MTCL2: variants seen among roughly 807,000 people sequenced by gnomAD.
MTCL2 encodes the protein microtubule crosslinking factor 2.
At chr20:36,832,957 G>A in the MTCL2 span, among the ~76,000 whole-genome samples, 98 of 152,324 alleles carry the variant, frequency 6.4e-4, no homozygotes, top group African/African-American at 2.2e-3. Context: ...GGCCCCCTCG[G>A]CCCTCACAAG....
At chr20:36,827,615 AG>A in the MTCL2 span, among the ~76,000 whole-genome samples, 3 of 151,994 alleles carry the variant, frequency 2.0e-5, no homozygotes, top group African/African-American at 7.3e-5. Flanking sequence ...TATAGGTGTG[AG>A]CCACCGTGCA....
the MTCL2 span, chr20:36,804,923 C>T: frequency 6.2e-7 from 1 of 1,601,976 alleles, no homozygotes; most frequent in South Asian, 1.1e-5. Flanking sequence ...GAGGCAAAAC[C>T]TGAGTCAAGA....
the MTCL2 span, among the ~76,000 whole-genome samples, chr20:36,818,184 C>T: frequency 6.6e-6 from 1 of 152,228 alleles, no homozygotes; most frequent in Non-Finnish European, 1.5e-5. Flanking sequence ...CTTCCATAAA[C>T]CTCTGCATGC....
chr20:36,808,457 C>T, the MTCL2 span: 1 of 1,473,700 alleles, frequency 6.8e-7, no homozygotes, highest in Non-Finnish European at 9.3e-7. Context: ...GCGTCCCTTC[C>T]CTGTCCCTCT....
At chr20:36,796,894 T>C in the MTCL2 span, 1 of 1,613,950 alleles carries the variant, frequency 6.2e-7, no homozygotes, top group South Asian at 1.1e-5. Context: ...CTTTAAACCA[T>C]TTCCTCCAAG....
At chr20:36,794,636 G>A in the MTCL2 span, 1 of 1,613,458 alleles carries the variant, frequency 6.2e-7, no homozygotes, top group South Asian at 1.1e-5. The surrounding 1 kb of genome is among the most constrained non-coding windows in gnomAD (Gnocchi z 5.4). Flanking sequence ...GTTATTAGTG[G>A]AAATAACACT....
chr20:36,817,317 G>T, the MTCL2 span: 1 of 1,120,956 alleles, frequency 8.9e-7, no homozygotes, highest in Non-Finnish European at 1.3e-6. Context: ...GCAAGGGGAG[G>T]ACAGGGCAGA....
At chr20:36,810,654 G>A in the MTCL2 span, among the ~76,000 whole-genome samples, 52,657 of 150,304 alleles carry the variant, frequency 0.35, 10,014 homozygotes, top group Middle Eastern at 0.43. Flanking sequence ...TGTAACCAGT[G>A]GGAACTATGT....
At chr20:36,851,272 A>G in the MTCL2 span, among the ~76,000 whole-genome samples, 6 of 152,180 alleles carry the variant, frequency 3.9e-5, no homozygotes, top group Non-Finnish European at 7.3e-5. Context: ...AGTATATTGT[A>G]TATATATACC....
chr20:36,812,723 T>C, the MTCL2 span: 3 of 1,613,998 alleles, frequency 1.9e-6, no homozygotes, highest in East Asian at 2.2e-5. Context: ...ATAGGAATCA[T>C]TGTCTTCAGC....
the MTCL2 span, among the ~76,000 whole-genome samples, chr20:36,802,180 GGAGGCT>G: frequency 1.1e-4 from 16 of 152,278 alleles, no homozygotes; most frequent in Admixed American, 3.3e-4. Flanking sequence ...CAGCTACTGA[GGAGGCT>G]GAAGCACATG....
At chr20:36,862,713 G>C in the MTCL2 span, 1 of 1,501,120 alleles carries the variant, frequency 6.7e-7, no homozygotes, top group South Asian at 1.2e-5. Context: ...CAAGCCGCTG[G>C]GCCCGCAGTC....
At chr20:36,780,848 C>G in the MTCL2 span, 1 of 152,204 alleles carries the variant, frequency 6.6e-6, no homozygotes, top group Non-Finnish European at 1.5e-5. Flanking sequence ...CCCGTTGACT[C>G]ACCAACTGGC....
chr20:36,798,367 C>A, the MTCL2 span, among the ~76,000 whole-genome samples: 1 of 152,140 alleles, frequency 6.6e-6, no homozygotes, highest in Non-Finnish European at 1.5e-5. Context: ...CGCGTCTGGC[C>A]GCATTAGTTG....
At chr20:36,841,874 G>GGTGTGTGTGTGTGT in the MTCL2 span, among the ~76,000 whole-genome samples, 140 of 110,854 alleles carry the variant, frequency 1.3e-3, no homozygotes, top group East Asian at 4.1e-3. Flanking sequence ...TGGGGGGTGG[G>GGTGTGTGTGTGTGT]GTGTGTGTGT....
the MTCL2 span, among the ~76,000 whole-genome samples, chr20:36,839,028 A>T: frequency 6.6e-6 from 1 of 152,066 alleles, no homozygotes; most frequent in South Asian, 2.1e-4. This position sits in a 1 kb window ranked among gnomAD's most constrained non-coding sequence, Gnocchi z 5.1. Flanking sequence ...TTATGATATC[A>T]TTTTGGGATA....
At chr20:36,853,733 G>GTGTGTGTGTGTT in the MTCL2 span, among the ~76,000 whole-genome samples, 1 of 151,890 alleles carries the variant, frequency 6.6e-6, no homozygotes, top group African/African-American at 2.4e-5. Context: ...GTGTGTGTGT[G>GTGTGTGTGTGTT]TGTGTGTGTG....
At chr20:36,803,531 C>A in the MTCL2 span, among the ~76,000 whole-genome samples, 1 of 151,912 alleles carries the variant, frequency 6.6e-6, no homozygotes, top group African/African-American at 2.4e-5. Flanking sequence ...ATGCCCAGGT[C>A]TTTGGGGGCA....
At chr20:36,841,874 G>GGGTGTGTGT in the MTCL2 span, among the ~76,000 whole-genome samples, 79 of 110,860 alleles carry the variant, frequency 7.1e-4, no homozygotes, top group African/African-American at 2.3e-3. Context: ...TGGGGGGTGG[G>GGGTGTGTGT]GTGTGTGTGT....
Sources: gnomAD v4.1 joint callset for allele counts (sites outside exome capture counted in the v4.1 genomes callset) on GRCh38, gnomAD v4.1.1 for gene constraint, Gnocchi (gnomAD v3.1) non-coding constraint, MANE v1.5 for transcripts, NCBI Gene and HGNC (gene_info 2026-07-23, HGNC 2026-07-21) for gene names.